The following NIM1K variants were observed in gnomAD, a reference collection of about 807,000 sequenced individuals.
The protein encoded by NIM1K is serine/threonine-protein kinase NIM1.
A neutral mutation model predicts 37.1 loss-of-function variants in NIM1K; 35 were observed. That is an observed-to-expected ratio of 0.94 (90% CI 0.72 to 1.25). The LOEUF is 1.25. Among genes scored for constraint, NIM1K ranks in the 50% most tolerant of loss-of-function variants. NIM1K has a pLI of 0.00. For missense variants in NIM1K, 564 were observed against 548.0 expected (o/e 1.03, Z -0.29); for synonymous variants, 234 against 206.6 (o/e 1.13, Z -1.14).
At chr5:43,250,502 T>G (rs1362763614) in intron 2 of NIM1K, among the ~76,000 whole-genome samples, 1 of 152,210 alleles carries the variant, frequency 6.6e-6, no homozygotes, top group Non-Finnish European at 1.5e-5. Context: ...TCAGAGGGCA[T>G]GCATTGAAAA....
At chr5:43,235,071 A>G (rs1197074388) in intron 1 of NIM1K, among the ~76,000 whole-genome samples, 4 of 152,254 alleles carry the variant, frequency 2.6e-5, no homozygotes, top group Non-Finnish European at 5.9e-5. Context: ...TTCCTTTTAA[A>G]AAACTTTATT....
intron 1 of NIM1K, among the ~76,000 whole-genome samples, chr5:43,229,072 C>T (rs1752500935): frequency 6.6e-6 from 1 of 152,134 alleles, no homozygotes; most frequent in South Asian, 2.1e-4. Flanking sequence ...GTTTCTTTAA[C>T]ATGACCAGTC....
At chr5:43,217,908 C>T (rs538520948) in intron 1 of NIM1K, among the ~76,000 whole-genome samples, 6 of 152,042 alleles carry the variant, frequency 3.9e-5, no homozygotes, top group Non-Finnish European at 8.8e-5. Flanking sequence ...GACAGCATTT[C>T]ACCATTTTGG....
intron 2 of NIM1K, among the ~76,000 whole-genome samples, chr5:43,266,209 G>A (rs1196348399): frequency 1.3e-5 from 2 of 152,224 alleles, no homozygotes; most frequent in Admixed American, 6.5e-5. Context: ...GCTATGCCCT[G>A]CCCCTAGAGG....
intron 3 of NIM1K, among the ~76,000 whole-genome samples, chr5:43,277,614 AC>A (rs1753365216): frequency 6.6e-6 from 1 of 151,390 alleles, no homozygotes; most frequent in Non-Finnish European, 1.5e-5. Context: ...CATTTCTCCA[AC>A]CTCATCTTCC....
At chr5:43,265,376 A>G (rs1345790911) in intron 2 of NIM1K, among the ~76,000 whole-genome samples, 2 of 152,066 alleles carry the variant, frequency 1.3e-5, no homozygotes, top group African/African-American at 4.8e-5. Context: ...TTGATCTTCA[A>G]TCACTGATAC....
intron 2 of NIM1K, among the ~76,000 whole-genome samples, chr5:43,253,026 G>A (rs1752888850): frequency 6.8e-6 from 1 of 147,568 alleles, no homozygotes; most frequent in Admixed American, 6.8e-5. Flanking sequence ...TGCCCAGGCT[G>A]GAGTGCAGTG....
At chr5:43,203,886 C>T (rs1213790978) in intron 1 of NIM1K, among the ~76,000 whole-genome samples, 1 of 151,684 alleles carries the variant, frequency 6.6e-6, no homozygotes, top group Non-Finnish European at 1.5e-5. Context: ...ATTAGCTGGG[C>T]ATGGTGGCAG....
intron 1 of NIM1K, among the ~76,000 whole-genome samples, chr5:43,240,930 T>C (rs1476052272): frequency 6.6e-6 from 1 of 152,012 alleles, no homozygotes; most frequent in Non-Finnish European, 1.5e-5. Context: ...TTCACATCCA[T>C]CTTTATGTCA....
Position 43,280,595 on chromosome 5 carries a change from A to G in NIM1K, c.1177A>G (p.Arg393Gly), listed in dbSNP as rs1296201735. Reference protein sequence around the residue: ...ITGVYRIILHRVQRKKALESV... With the variant: ...ITGVYRIILHGVQRKKALESV... ...AGGGGTCTATAGAATTATTTTACAT[A>G]GAGTCCAAAGGAAGAAGGCTTTGGA... is the stretch of plus-strand genomic sequence containing the variant. Residue 393 changes from arginine to glycine, a missense_variant, in exon 4 of 4, where the codon AGA (arginine) becomes GGA (glycine). Arg to Gly is a moderately radical substitution (Grantham distance 125). Coordinates refer to ENST00000326035, the MANE Select transcript of NIM1K (RefSeq NM_153361.4). The G allele has an allele frequency of 3.7e-6, 6 of 1,614,066 alleles. No individual in the cohort carries two copies. Among genetic ancestry groups the G allele is most frequent in the Admixed American group, 3.3e-5 (2 of 60,010 alleles).
chr5:43,212,774 A>G (rs1752222681), intron 1 of NIM1K, among the ~76,000 whole-genome samples: 2 of 152,222 alleles, frequency 1.3e-5, no homozygotes, highest in South Asian at 4.1e-4. Context: ...TGAATGTTCT[A>G]GAGCACCAAA....
At chr5:43,239,961 G>T (rs779242013) in intron 1 of NIM1K, among the ~76,000 whole-genome samples, 6 of 152,094 alleles carry the variant, frequency 3.9e-5, no homozygotes, top group Non-Finnish European at 5.9e-5. Flanking sequence ...AGATATTAGA[G>T]AATCAGGTAT....
chr5:43,268,955 T>C (rs781297148), intron 2 of NIM1K, among the ~76,000 whole-genome samples: 1 of 151,728 alleles, frequency 6.6e-6, no homozygotes, highest in African/African-American at 2.4e-5. Context: ...ATGACCTTCT[T>C]TGTCTTTTTC....
intron 1 of NIM1K, chr5:43,207,076 C>G: frequency 1.4e-6 from 1 of 718,288 alleles, no homozygotes; most frequent in African/African-American, 1.7e-5. Context: ...TACCTATGGG[C>G]GCCTGGTTGA....
intron 2 of NIM1K, among the ~76,000 whole-genome samples, chr5:43,257,840 G>T (rs148907496): frequency 4.4e-4 from 67 of 151,534 alleles, no homozygotes; most frequent in African/African-American, 1.6e-3. Context: ...TGGGAGGACT[G>T]CTTGAGCCTA....
At chr5:43,231,706 G>T in intron 1 of NIM1K, 2 of 615,396 alleles carry the variant, frequency 3.2e-6, no homozygotes, top group South Asian at 3.0e-5. Context: ...TTGTATATTA[G>T]AGCATACACT....
chr5:43,224,690 C>A (rs994419210), intron 1 of NIM1K, among the ~76,000 whole-genome samples: 2 of 123,622 alleles, frequency 1.6e-5, no homozygotes, highest in African/African-American at 6.0e-5. Flanking sequence ...ACAGCAATAA[C>A]AAGTGAATTT....
chr5:43,232,293 C>T, intron 1 of NIM1K: 2 of 1,167,404 alleles, frequency 1.7e-6, no homozygotes, highest in East Asian at 2.5e-5. Context: ...TGAAAGCAAG[C>T]ACTGGCAGTC....
intron 2 of NIM1K, among the ~76,000 whole-genome samples, chr5:43,253,210 A>ATG (rs1476401169): frequency 2.0e-3 from 124 of 61,752 alleles, no homozygotes; most frequent in African/African-American, 6.1e-3. Flanking sequence ...ATAATATAAT[A>ATG]TATGTGTGTG....
Sources: allele counts gnomAD v4.1 joint callset (sites outside exome capture counted in the v4.1 genomes callset), GRCh38; gene constraint gnomAD v4.1.1; transcripts MANE v1.5; gene names NCBI Gene and HGNC (gene_info 2026-07-23, HGNC 2026-07-21).